NEGR1: variants seen among roughly 807,000 people sequenced by gnomAD.
NEGR1 encodes IgLON family member 4.
A neutral mutation model predicts 40.9 loss-of-function variants in NEGR1; 10 were observed. The ratio of observed to expected loss-of-function variants is 0.24; its 90% CI spans 0.15 to 0.42. NEGR1 has a LOEUF of 0.42. Ranked by LOEUF, NEGR1 falls within the 10% of genes least tolerant of loss-of-function variation. NEGR1 has a pLI of 1.00. For synonymous variants in NEGR1, 185 were observed against 166.8 expected (o/e 1.11, Z -0.84); for missense variants, 352 against 438.9 (o/e 0.80, Z 1.77).
Position 71,907,021 on chromosome 1 carries a change from G to A in NEGR1, c.409+28058C>T, listed in dbSNP as rs147220217. 4.9e-3 allele frequency among the ~76,000 whole-genome samples: 745 copies of A among 152,228 alleles called. 21 individuals are homozygous for A. Among genetic ancestry groups the A allele is most frequent in the Admixed American group, 0.039 (589 of 15,272 alleles). ...CAATTAACCCTAGGGAAAATGTTACGAATTAACTATTTTGTCTTAGCTCTG... is the reference window on the plus strand; with the variant it reads ...CAATTAACCCTAGGGAAAATGTTACAAATTAACTATTTTGTCTTAGCTCTG... On this transcript the variant is annotated intron_variant, in intron 2 of 6. Transcript: ENST00000357731.
chr1:71,867,503 G>T (rs1434140158), intron 2 of NEGR1, among the ~76,000 whole-genome samples: 1 of 152,104 alleles, frequency 6.6e-6, no homozygotes, highest in African/African-American at 2.4e-5. Context: ...ATACTAAAAA[G>T]ATATTTAACA....
intron 6 of NEGR1, among the ~76,000 whole-genome samples, chr1:71,547,344 C>T (rs545106291): frequency 2.6e-5 from 4 of 151,572 alleles, no homozygotes; most frequent in African/African-American, 4.8e-5. Context: ...ATTTGTTAGG[C>T]GATAATTAAT....
chr1:71,576,548 G>C (rs1648971476), intron 6 of NEGR1, among the ~76,000 whole-genome samples: 2 of 152,138 alleles, frequency 1.3e-5, no homozygotes, highest in South Asian at 4.1e-4. Context: ...GACAAGGAAG[G>C]GCAGGCCTAG....
chr1:72,062,583 C>A (rs918526811), intron 1 of NEGR1, among the ~76,000 whole-genome samples: 11 of 151,956 alleles, frequency 7.2e-5, no homozygotes, highest in African/African-American at 2.4e-4. Flanking sequence ...TGAGGACATA[C>A]ATATACTGCT....
intron 4 of NEGR1, among the ~76,000 whole-genome samples, chr1:71,616,993 T>C (rs1650465491): frequency 6.6e-6 from 1 of 152,180 alleles, no homozygotes; most frequent in African/African-American, 2.4e-5. Context: ...CATGAAAACT[T>C]CAAAACTGCT....
chr1:71,997,329 T>C (rs1282313407), intron 1 of NEGR1, among the ~76,000 whole-genome samples: 1 of 152,050 alleles, frequency 6.6e-6, no homozygotes, highest in Non-Finnish European at 1.5e-5. Flanking sequence ...TTATTCTTCC[T>C]AAATTGTAGA....
rs923447412 is a variant in NEGR1 at position 71,986,608 on chromosome 1, T to C, written c.177-51297A>G. Reference sequence around the variant, plus strand: ...TCTCAGAACATGCAGAGGGTCCCCATGATGTTGGTTAATAGAATCAAAGTA... The same window carrying C: ...TCTCAGAACATGCAGAGGGTCCCCACGATGTTGGTTAATAGAATCAAAGTA... On this transcript the variant is annotated intron_variant, in intron 1 of 6. Transcript: ENST00000357731. Among the ~76,000 whole-genome samples, 18 of 152,182 alleles carry C rather than the reference T, an allele frequency of 1.2e-4. 1 individual carries two copies. The highest frequency in any genetic ancestry group is 5.9e-5 in the Non-Finnish European group (4 of 68,034).
chr1:71,874,813 C>G (rs1228078278), intron 2 of NEGR1, among the ~76,000 whole-genome samples: 1 of 152,068 alleles, frequency 6.6e-6, no homozygotes, highest in African/African-American at 2.4e-5. Context: ...GCTGAGGAAA[C>G]TTTTCGGTTT....
At chr1:71,989,182 A>T (rs189528157) in intron 1 of NEGR1, among the ~76,000 whole-genome samples, 1 of 152,276 alleles carries the variant, frequency 6.6e-6, no homozygotes, top group Admixed American at 6.5e-5. Context: ...TTGCCATCTA[A>T]ACAAATTTGC....
Position 71,613,423 on chromosome 1 carries a change from G to T in NEGR1, c.668-2277C>A, listed in dbSNP as rs190676474. On this transcript the variant is annotated intron_variant, in intron 4 of 6. Transcript: ENST00000357731. ...GCACTTTGGGAGGCCGAGGCGGGTGGATCACCTGAGGTCAGGAGTTCGAGA... is the reference window on the plus strand; with the variant it reads ...GCACTTTGGGAGGCCGAGGCGGGTGTATCACCTGAGGTCAGGAGTTCGAGA... Among the ~76,000 whole-genome samples, 40 of 152,178 alleles carry T rather than the reference G, an allele frequency of 2.6e-4. No individual in the cohort carries two copies. The East Asian group carries it at 7.2e-3, about 27-fold the overall frequency.
At chr1:71,917,653 C>A (rs369824974) in intron 2 of NEGR1, among the ~76,000 whole-genome samples, 43 of 151,606 alleles carry the variant, frequency 2.8e-4, no homozygotes, top group South Asian at 2.1e-3. Flanking sequence ...TGGCGGGCGC[C>A]TGTAGTCGCC....
intron 1 of NEGR1, among the ~76,000 whole-genome samples, chr1:72,088,801 T>C (rs961747062): frequency 3.6e-3 from 104 of 28,560 alleles, no homozygotes; most frequent in African/African-American, 0.015. Flanking sequence ...TCTCTCTTTT[T>C]TTTTTTTTTT....
Position 72,282,537 on chromosome 1 carries a change from C to G in NEGR1, c.-43G>C, listed in dbSNP as rs1158482296. 6.5e-7 allele frequency: 1 copy of G among 1,528,920 alleles called. No individual in the cohort carries two copies. The highest frequency in any genetic ancestry group is 1.4e-5 in the African/African-American group (1 of 72,680). The allele number at this position is 1,528,920 out of a possible 1,614,324, so 94.7% of individuals were successfully genotyped here. A position where few individuals can be genotyped will look rare whatever the true frequency, so the allele number is the denominator to read the frequency against. On this transcript the variant is annotated 5_prime_UTR_variant, in exon 1 of 7. Transcript: ENST00000357731. Reference sequence around the variant, plus strand: ...ACTCTCCAGCAGCTTTCAGCTCGCACTCCCCCACCCCCTGGTGCTGGCGAG... The same window carrying G: ...ACTCTCCAGCAGCTTTCAGCTCGCAGTCCCCCACCCCCTGGTGCTGGCGAG...
chr1:71,907,172 C>T (rs1661299909), intron 2 of NEGR1, among the ~76,000 whole-genome samples: 1 of 152,098 alleles, frequency 6.6e-6, no homozygotes, highest in Non-Finnish European at 1.5e-5. Context: ...TAAACTCATG[C>T]TTCCAAGAGA....
In NEGR1 at chr1:71,822,971, C is replaced by T. The variant is rs1027541006; in HGVS notation, c.410-46674G>A. Among the ~76,000 whole-genome samples the T allele has an allele frequency of 9.2e-5, 14 of 152,108 alleles. No homozygotes were observed. The South Asian group carries it at 1.0e-3, about 11-fold the overall frequency. On this transcript the variant is annotated intron_variant, in intron 2 of 6. Coordinates refer to ENST00000357731, the MANE Select transcript of NEGR1 (RefSeq NM_173808.3). ...GGCAATAGTCTGAGAGGAGAGAGTG[C>T]CATCCTCCAAAATCTAGAACATGCA... is the stretch of plus-strand genomic sequence containing the variant.
At chr1:72,065,409 T>C (rs144740658) in intron 1 of NEGR1, among the ~76,000 whole-genome samples, 13 of 152,194 alleles carry the variant, frequency 8.5e-5, no homozygotes, top group Admixed American at 3.9e-4. Context: ...TACTGATCCA[T>C]TTCTCCCTCA....
chr1:71,588,535 C>T lies in NEGR1; in HGVS notation c.940+4282G>A, dbSNP rs529847326. ...TATACTAGCTTTCCTGTAGTTTTTC[C>T]ACCATAAAGTTTGCTTTCTCTTTAT... On this transcript the variant is annotated intron_variant, in intron 6 of 6. Transcript: ENST00000357731. Among the ~76,000 whole-genome samples, 36 of 152,176 alleles carry T rather than the reference C, an allele frequency of 2.4e-4. 1 individual carries two copies. The highest frequency in any genetic ancestry group is 8.2e-4 in the African/African-American group (34 of 41,516).
chr1:71,490,962 A>C (rs1646923744), intron 6 of NEGR1, among the ~76,000 whole-genome samples: 2 of 151,982 alleles, frequency 1.3e-5, no homozygotes, highest in African/African-American at 4.8e-5. Flanking sequence ...AGTCCAAAGC[A>C]TCTTAATGAT....
intron 2 of NEGR1, among the ~76,000 whole-genome samples, chr1:71,809,730 ATGTGTGTG>A (rs555558779): frequency 1.3e-5 from 2 of 151,830 alleles, no homozygotes; most frequent in Admixed American, 1.3e-4. Context: ...AACATGTCCA[ATGTGTGTG>A]TGTGTATGTG....
Sources: gnomAD v4.1 joint callset for allele counts (sites outside exome capture counted in the v4.1 genomes callset) on GRCh38, gnomAD v4.1.1 for gene constraint, MANE v1.5 for transcripts, NCBI Gene and HGNC (gene_info 2026-07-23, HGNC 2026-07-21) for gene names.